The following USH2A variants were observed in gnomAD, a reference collection of about 807,000 sequenced individuals.
USH2A encodes usherin.
USH2A carries 443 observed loss-of-function variants against 538.9 expected under a neutral mutation model. The observed-to-expected ratio is 0.82, with a 90% CI of 0.76 to 0.89. USH2A has a LOEUF of 0.89. Among genes scored for constraint, USH2A ranks in the 40% least tolerant of loss-of-function variants. The pLI is 0.00. For synonymous variants in USH2A, 2,413 were observed against 2,273.5 expected (o/e 1.06, Z -1.75); for missense variants, 6,633 against 6,324.8 (o/e 1.05, Z -1.65).
At chr1:215,957,266 T>G (rs1426031918) in intron 37 of USH2A, among the ~76,000 whole-genome samples, 2 of 152,202 alleles carry the variant, frequency 1.3e-5, no homozygotes, top group Non-Finnish European at 2.9e-5. Flanking sequence ...TAATATCTTT[T>G]GTGCTGATTT....
chr1:216,279,652 T>A (rs1293044196), intron 11 of USH2A, among the ~76,000 whole-genome samples: 1 of 152,124 alleles, frequency 6.6e-6, no homozygotes, highest in Non-Finnish European at 1.5e-5. Flanking sequence ...CATTAAAAGT[T>A]TGAGGACTAC....
rs558545120 is a variant in USH2A at position 215,887,514 on chromosome 1, T to C, written c.8223+912A>G. On this transcript the variant is annotated intron_variant, in intron 41 of 71. Transcript: ENST00000307340. ...CATTAGTGTTTAATGAATGGAATTC[T>C]ATACACATATTTATATCAAAAATGT... Among the ~76,000 whole-genome samples the C allele has an allele frequency of 3.3e-5, 5 of 152,350 alleles. No individual in the cohort carries two copies. The South Asian group carries it at 1.0e-3, about 32-fold the overall frequency.
At chr1:215,768,271 T>C (rs1040089661) in intron 55 of USH2A, among the ~76,000 whole-genome samples, 1 of 152,210 alleles carries the variant, frequency 6.6e-6, no homozygotes, top group African/African-American at 2.4e-5. Flanking sequence ...TTTAGATGTA[T>C]GCTCTGAAAG....
At chr1:216,161,440 T>C (rs928935720) in intron 21 of USH2A, among the ~76,000 whole-genome samples, 5 of 152,084 alleles carry the variant, frequency 3.3e-5, no homozygotes, top group African/African-American at 1.2e-4. Context: ...CTTCCATAAC[T>C]TTTTAGGAAT....
chr1:215,992,969 T>C (rs1206650903), intron 35 of USH2A, 51 bp downstream of exon 35: 5 of 1,612,922 alleles, frequency 3.1e-6, no homozygotes, highest in South Asian at 1.1e-5. Context: ...AGAATATTAA[T>C]TTACCTTTGC....
chr1:215,647,745 G>C lies in USH2A; in HGVS notation c.14583-15C>G, dbSNP rs756733754. On this transcript the variant is annotated splice_polypyrimidine_tract_variant and intron_variant, in intron 66 of 71. Transcript: ENST00000307340. ...GGAGTTCATAGCTAAAATGAGAATGGATACGTAGAGTCAAGACGGGTAATG... is the reference window on the plus strand; with the variant it reads ...GGAGTTCATAGCTAAAATGAGAATGCATACGTAGAGTCAAGACGGGTAATG... The C allele has an allele frequency of 6.2e-7, 1 of 1,613,588 alleles. No individual in the cohort carries two copies. The highest frequency in any genetic ancestry group is 8.5e-7 in the Non-Finnish European group (1 of 1,179,580).
At chr1:216,145,726 T>C (rs1451560783) in intron 21 of USH2A, among the ~76,000 whole-genome samples, 1 of 152,150 alleles carries the variant, frequency 6.6e-6, no homozygotes, top group Non-Finnish European at 1.5e-5. Context: ...CCTTAACTGA[T>C]GACATTCCAC....
At chr1:215,719,323 A>AG (rs1659584457) in intron 61 of USH2A, among the ~76,000 whole-genome samples, 1 of 120,614 alleles carries the variant, frequency 8.3e-6, no homozygotes, top group Non-Finnish European at 1.7e-5. Flanking sequence ...TTGTTGGGGC[A>AG]GGGGGGCCAG....
intron 32 of USH2A, among the ~76,000 whole-genome samples, chr1:216,015,489 A>G (rs1268575750): frequency 1.3e-5 from 2 of 152,194 alleles, no homozygotes; most frequent in African/African-American, 2.4e-5. Flanking sequence ...TTAACCTTGC[A>G]ACATGCTTTT....
chr1:216,128,577 CAA>C (rs2033305036), intron 21 of USH2A, among the ~76,000 whole-genome samples: 1 of 152,006 alleles, frequency 6.6e-6, no homozygotes, highest in Non-Finnish European at 1.5e-5. Context: ...TTTTTCTCGT[CAA>C]GTTAACTTTT....
At chr1:215,713,254 G>A (rs570882844) in intron 61 of USH2A, among the ~76,000 whole-genome samples, 4 of 152,242 alleles carry the variant, frequency 2.6e-5, no homozygotes, top group African/African-American at 9.6e-5. Flanking sequence ...TTTACTGAGT[G>A]CCGTCTCAGT....
In USH2A at chr1:216,046,537, G is replaced by C; in HGVS notation, c.6219C>G (p.Leu2073=). Residue 2073 remains leucine, a synonymous_variant, in exon 32 of 72, where the codon CTC becomes CTG. Coordinates refer to ENST00000307340, the MANE Select transcript of USH2A (RefSeq NM_206933.4). ...TTGCCTTTTTGGGTGGGTTCCAGGA[G>C]AGCAGCAAAGAACTGGGAAGGGATT... ...VAKSLPSSLL[L]SWNPPKKANG... is the part of the protein sequence containing the mutation. 6.2e-7 allele frequency: 1 copy of C among 1,613,872 alleles called. No homozygotes were observed. Among genetic ancestry groups the C allele is most frequent in the South Asian group, 1.1e-5 (1 of 91,072 alleles).
intron 54 of USH2A, among the ~76,000 whole-genome samples, chr1:215,781,530 C>T (rs1340587032): frequency 1.3e-5 from 2 of 152,192 alleles, no homozygotes; most frequent in South Asian, 2.1e-4. Context: ...TTGTATCATT[C>T]TGTATTCTCG....
At chr1:216,277,445 T>C (rs987706008) in intron 11 of USH2A, among the ~76,000 whole-genome samples, 36 of 152,140 alleles carry the variant, frequency 2.4e-4, no homozygotes, top group African/African-American at 6.8e-4. Flanking sequence ...TCCAAGCAGG[T>C]AGTCCCACCA....
At chr1:216,401,226 C>A (rs1278871191) in intron 3 of USH2A, among the ~76,000 whole-genome samples, 2 of 152,030 alleles carry the variant, frequency 1.3e-5, no homozygotes, top group Non-Finnish European at 2.9e-5. Context: ...ATGTCCATGT[C>A]AGTAGATAAG....
chr1:216,074,255 A>T (rs1411378268), intron 27 of USH2A, among the ~76,000 whole-genome samples: 1 of 152,052 alleles, frequency 6.6e-6, no homozygotes, highest in East Asian at 1.9e-4. Flanking sequence ...GTCTGGCAGT[A>T]CTCTGCGCAG....
At chr1:215,951,571 T>C (rs1185229373) in intron 37 of USH2A, among the ~76,000 whole-genome samples, 1 of 152,164 alleles carries the variant, frequency 6.6e-6, no homozygotes, top group Non-Finnish European at 1.5e-5. Flanking sequence ...CTATTAGGTC[T>C]GCTTGGTGCA....
intron 3 of USH2A, among the ~76,000 whole-genome samples, chr1:216,394,425 G>T (rs2039168731): frequency 6.6e-6 from 1 of 152,100 alleles, no homozygotes; most frequent in Non-Finnish European, 1.5e-5. Flanking sequence ...TGAAGTTATA[G>T]AACTCTTCTG....
rs1053608287 is a variant in USH2A at position 216,324,170 on chromosome 1, G to A, written c.1326C>T (p.Ser442=). 2 of 1,612,658 alleles carry A rather than the reference G, an allele frequency of 1.2e-6. No homozygotes were observed. Among genetic ancestry groups the A allele is most frequent in the African/African-American group, 1.3e-5 (1 of 74,954 alleles). The change falls in exon 7 of 72, where the codon TCC becomes TCT. Residue 442 remains serine (S), a splice_region_variant and synonymous_variant. Coordinates refer to ENST00000307340, the MANE Select transcript of USH2A (RefSeq NM_206933.4). ...TAATTGTTTAAAAATATTCATACTT[G>A]GAAAGCTGAAGACAGTTGACAGAAT... ...KPDSVNCLQL[S]NFTPYSRGNV...
Sources: gnomAD v4.1 joint callset for allele counts (sites outside exome capture counted in the v4.1 genomes callset) on GRCh38, gnomAD v4.1.1 for gene constraint, MANE v1.5 for transcripts, NCBI Gene and HGNC (gene_info 2026-07-23, HGNC 2026-07-21) for gene names.